The following ATP1A3 variants were observed in gnomAD, a reference collection of about 807,000 sequenced individuals.
ATP1A3 encodes the protein ATPase Na+/K+ transporting subunit alpha 3.
In ATP1A3, 12 loss-of-function variants were observed where a neutral mutation model predicts 108.8. The ratio of observed to expected loss-of-function variants is 0.11; its 90% CI spans 0.07 to 0.18. The LOEUF is 0.18. Among genes scored for constraint, ATP1A3 ranks in the 10% least tolerant of loss-of-function variants. The pLI is 1.00. For missense variants in ATP1A3, 498 were observed against 1,387.7 expected (o/e 0.36, Z 10.19); for synonymous variants, 539 against 564.5 (o/e 0.95, Z 0.64).
At chr19:41,983,845 G>T (rs1485855365) in intron 8 of ATP1A3, among the ~76,000 whole-genome samples, 1 of 147,876 alleles carries the variant, frequency 6.8e-6, no homozygotes, top group East Asian at 2.0e-4. Context: ...CACGATCTCG[G>T]CTCACTGCAA....
Position 41,967,970 on chromosome 19 carries a change from CAGAA to C in ATP1A3, c.2820-211_2820-208del, listed in dbSNP as rs1303274673. ...AGATAGAGGCAGAGCGATGGTGACA[CAGAA>C]AGAGACAAAAGACAGGGACAGACAC... On this transcript the variant is annotated intron_variant, in intron 20 of 22. Transcript: ENST00000648268. The surrounding 1 kb of genome is among the most constrained non-coding windows in gnomAD (Gnocchi z 4.2). 3.3e-5 allele frequency among the ~76,000 whole-genome samples: 5 copies of C among 151,730 alleles called. No individual in the cohort carries two copies. The highest frequency in any genetic ancestry group is 5.9e-5 in the Non-Finnish European group (4 of 67,950).
In ATP1A3 at chr19:41,985,859, C is replaced by T; in HGVS notation, c.606+5G>A. 1.2e-6 allele frequency: 2 copies of T among 1,613,886 alleles called. No individual in the cohort carries two copies. Among genetic ancestry groups the T allele is most frequent in the African/African-American group, 1.3e-5 (1 of 75,020 alleles). ...GGTAAAGCCGGGCCCTAGGCCCAGG[C>T]CCACCTTGCAGCCGTGGGCTGAGAT... On this transcript the variant is annotated splice_donor_5th_base_variant and intron_variant, in intron 6 of 22. Transcript: ENST00000648268. This position sits in a 1 kb window ranked among gnomAD's most constrained non-coding sequence, Gnocchi z 8.2.
Position 41,970,523 on chromosome 19 carries a change from G to A in ATP1A3, c.2283C>T (p.Asn761=), listed in dbSNP as rs552893831. 1 of 1,614,004 alleles carries A rather than the reference G, an allele frequency of 6.2e-7. No homozygotes were observed. The highest frequency in any genetic ancestry group is 2.2e-5 in the East Asian group (1 of 44,856). ...GVEEGRLIFD[N]LKKSIAYTLT... is the part of the protein sequence containing the mutation. ...GGGTGTAGGCAATGGACTTCTTTAG[G>A]TTGTCGAAGATCAGGCGGCCTGTGG... Residue 761 remains asparagine, a synonymous_variant, in exon 17 of 23, where the codon AAC becomes AAT. Coordinates refer to ENST00000648268, the MANE Select transcript of ATP1A3 (RefSeq NM_152296.5).
chr19:41,969,378 A>T, intron 19 of ATP1A3, 57 bp downstream of exon 19: 6 of 1,613,236 alleles, frequency 3.7e-6, no homozygotes, highest in Non-Finnish European at 5.1e-6. Context: ...CATGGCTGGA[A>T]CAGCTCACCC....
intron 8 of ATP1A3, among the ~76,000 whole-genome samples, chr19:41,982,811 A>G (rs541701350): frequency 6.6e-6 from 1 of 152,342 alleles, no homozygotes; most frequent in South Asian, 2.1e-4. Flanking sequence ...TTCATACTGA[A>G]TTATTCCGTT....
chr19:41,986,278 C>G, intron 4 of ATP1A3, 49 bp from the exon 5 acceptor site: 1 of 1,579,380 alleles, frequency 6.3e-7, no homozygotes, highest in East Asian at 2.2e-5. Context: ...AAGCCACTCT[C>G]CACCAGTCCC....
chr19:41,983,298 G>A lies in ATP1A3; in HGVS notation c.994-1192C>T, dbSNP rs573050060. Among the ~76,000 whole-genome samples the A allele has an allele frequency of 2.6e-3, 389 of 151,840 alleles. 1 individual carries two copies. Among genetic ancestry groups the A allele is most frequent in the Non-Finnish European group, 4.1e-3 (278 of 67,954 alleles). Reference sequence around the variant, plus strand: ...TTGCCATGTTGGCCAGGCTGGTCTTGAACTCCTGACCTCAAGTGATCCACC... The same window carrying A: ...TTGCCATGTTGGCCAGGCTGGTCTTAAACTCCTGACCTCAAGTGATCCACC... On this transcript the variant is annotated intron_variant, in intron 8 of 22. Transcript: ENST00000648268.
At position 41,978,467 on chromosome 19, in the gene ATP1A3, CCT is replaced by C; in HGVS notation, c.1630+137_1630+138del. On this transcript the variant is annotated intron_variant, in intron 12 of 22. Coordinates refer to ENST00000648268, the MANE Select transcript of ATP1A3 (RefSeq NM_152296.5). The surrounding 1 kb of genome is among the most constrained non-coding windows in gnomAD (Gnocchi z 8.3). ...GCATTCATTTCCTAGGATACCTTCCCCTCTCATCCATCCATTCATTCATTCAT... is the reference window on the plus strand; with the variant it reads ...GCATTCATTTCCTAGGATACCTTCCCCTCATCCATCCATTCATTCATTCAT... 2 of 1,478,992 alleles carry C rather than the reference CCT, an allele frequency of 1.4e-6. No individual in the cohort carries two copies. Among genetic ancestry groups the C allele is most frequent in the Non-Finnish European group, 1.8e-6 (2 of 1,082,096 alleles). 91.6% of individuals were successfully genotyped at this position (1,478,992 alleles called of 1,614,324 possible). A position where few individuals can be genotyped will look rare whatever the true frequency, so the allele number is the denominator to read the frequency against.
chr19:41,967,491 T>C lies in ATP1A3; in HGVS notation c.2922-151A>G. 8.3e-7 allele frequency: 1 copy of C among 1,200,070 alleles called. No homozygotes were observed. Among genetic ancestry groups the C allele is most frequent in the Admixed American group, 2.2e-5 (1 of 46,258 alleles). 74.3% of individuals were successfully genotyped at this position (1,200,070 alleles called of 1,614,324 possible). On this transcript the variant is annotated intron_variant, in intron 21 of 22. Coordinates refer to ENST00000648268, the MANE Select transcript of ATP1A3 (RefSeq NM_152296.5). The surrounding 1 kb of genome is among the most constrained non-coding windows in gnomAD (Gnocchi z 4.2). ...CTGGGCGGGGCTGGGGCCTGGGGTC[T>C]TCGGAGTAATCCGTGGTGGGAGCAG...
intron 4 of ATP1A3, 155 bp from the exon 5 acceptor site, chr19:41,986,384 G>A (rs2075286853): frequency 3.1e-6 from 2 of 647,652 alleles, no homozygotes; most frequent in South Asian, 1.8e-5. Flanking sequence ...GTGTGTCTGA[G>A]TCTCCCCTGT....
At position 41,969,537 on chromosome 19, in the gene ATP1A3, G is replaced by C; in HGVS notation, c.2586C>G (p.Ile862Met). The C allele has an allele frequency of 6.2e-7, 1 of 1,614,112 alleles. No homozygotes were observed. Among genetic ancestry groups the C allele is most frequent in the South Asian group, 1.1e-5 (1 of 91,070 alleles). Reference protein sequence around the residue: ...ALGGFFSYFVILAENGFLPGN... With the variant: ...ALGGFFSYFVMLAENGFLPGN... The stretch of plus-strand genomic sequence containing the variant: ...CGGGCAAGAAGCCATTTTCTGCCAG[G>C]ATCACAAAGTAAGAGAAGAAGCCAC... The change falls in exon 19 of 23, where the codon ATC (isoleucine) becomes ATG (methionine). Residue 862 changes from isoleucine (I) to methionine (M), a missense_variant. Coordinates refer to ENST00000648268, the MANE Select transcript of ATP1A3 (RefSeq NM_152296.5).
At chr19:41,976,101 C>A in intron 15 of ATP1A3, among the ~76,000 whole-genome samples, 1 of 151,266 alleles carries the variant, frequency 6.6e-6, no homozygotes. Context: ...GGGTCCAGGC[C>A]CCCAGCCCCT....
rs201423892 is a variant in ATP1A3 at position 41,975,807 on chromosome 19, G to A, written c.2095-10C>T. ...CAGCCACAATTGCACCCTGGAGGGA[G>A]AGAGGGTAAGGATGACACCCAGAGG... On this transcript the variant is annotated splice_polypyrimidine_tract_variant and intron_variant, in intron 15 of 22. Transcript: ENST00000648268. The A allele has an allele frequency of 3.5e-5, 56 of 1,613,996 alleles. No homozygotes were observed. In the African/African-American group the frequency reaches 7.3e-4, roughly 21 times the overall value.
chr19:41,972,851 A>C (rs1555860217), intron 16 of ATP1A3, among the ~76,000 whole-genome samples: 6 of 134,686 alleles, frequency 4.5e-5, no homozygotes, highest in African/African-American at 1.8e-4. Context: ...GGAAGGAAGG[A>C]AGGAAGGAAA....
In ATP1A3 at chr19:41,967,066, C is replaced by A. The variant is rs1555858767; in HGVS notation, c.3014-101G>T. 1 of 1,551,446 alleles carries A rather than the reference C, an allele frequency of 6.4e-7. No homozygotes were observed. Among genetic ancestry groups the A allele is most frequent in the Non-Finnish European group, 8.7e-7 (1 of 1,147,020 alleles). ...AGAGAGGGACAGAGAGGGAGAGAGA[C>A]AAGGAAACCACACAGACAGAGACCC... On this transcript the variant is annotated intron_variant, in intron 22 of 22. Coordinates refer to ENST00000648268, the MANE Select transcript of ATP1A3 (RefSeq NM_152296.5). This position sits in a 1 kb window ranked among gnomAD's most constrained non-coding sequence, Gnocchi z 4.2.
intron 14 of ATP1A3, 57 bp downstream of exon 14, chr19:41,977,879 C>A: frequency 4.4e-6 from 7 of 1,598,164 alleles, no homozygotes; most frequent in Non-Finnish European, 4.3e-6. Flanking sequence ...GAAGCGGTCC[C>A]CCTGTGTCAA....
chr19:41,993,420 C>T (rs1555868042), intron 1 of ATP1A3: 1 of 1,535,744 alleles, frequency 6.5e-7, no homozygotes, highest in Admixed American at 2.0e-5. Context: ...TCTCCTCCTC[C>T]CAGCCTCCCA....
At position 41,966,841 on chromosome 19, in the gene ATP1A3, G is replaced by A. The variant is rs1048572454; in HGVS notation, c.*96C>T. On this transcript the variant is annotated 3_prime_UTR_variant, in exon 23 of 23. Transcript: ENST00000648268. ...CCAAGGTGGGGCCACAGGAAGAGAG[G>A]GCTCCTCCCCCCAGAATACAAAATT... The A allele has an allele frequency of 5.5e-5, 85 of 1,547,218 alleles. No individual in the cohort carries two copies. Among genetic ancestry groups the A allele is most frequent in the Non-Finnish European group, 6.8e-5 (78 of 1,144,740 alleles).
At position 41,975,665 on chromosome 19, in the gene ATP1A3, C is replaced by T. The variant is rs1555860790; in HGVS notation, c.2227G>A (p.Asp743Asn). ...CCTGTGACGATGGAGGCAAAGTTGT[C>T]GTCCAGCAGGATCATGTCAGCTGCC... Reference protein sequence around the residue: ...KQAADMILLDDNFASIVTGVE... With the variant: ...KQAADMILLDNNFASIVTGVE... Residue 743 changes from aspartate (D) to asparagine (N), a missense_variant, in exon 16 of 23, where the codon GAC becomes AAC. Asp to Asn is a conservative substitution (Grantham distance 23). Transcript: ENST00000648268. 1 of 1,614,144 alleles carries T rather than the reference C, an allele frequency of 6.2e-7. No individual in the cohort carries two copies. Among genetic ancestry groups the T allele is most frequent in the Admixed American group, 1.7e-5 (1 of 60,022 alleles).
Sources: gnomAD v4.1 joint callset for allele counts (sites outside exome capture counted in the v4.1 genomes callset) on GRCh38, gnomAD v4.1.1 for gene constraint, Gnocchi (gnomAD v3.1) non-coding constraint, MANE v1.5 for transcripts, NCBI Gene and HGNC (gene_info 2026-07-23, HGNC 2026-07-21) for gene names.